CFAP44: variants seen among roughly 807,000 people sequenced by gnomAD.
CFAP44 encodes the protein cilia and flagella associated protein 44.
A neutral mutation model predicts 216.2 loss-of-function variants in CFAP44; 134 were observed. That is an observed-to-expected ratio of 0.62 (90% CI 0.54 to 0.72). CFAP44 has a LOEUF of 0.72. Among genes scored for constraint, CFAP44 ranks in the 30% least tolerant of loss-of-function variants. The pLI is 0.00. For missense variants in CFAP44, 2,035 were observed against 2,182.1 expected (o/e 0.93, Z 1.34); for synonymous variants, 700 against 727.6 (o/e 0.96, Z 0.61).
In CFAP44 at chr3:113,330,606, A is replaced by G; in HGVS notation, c.3678T>C (p.Ala1226=). The part of the protein sequence containing the change: ...CILSLRDLKV[A]VVEEIQCLVQ... ...CCAGGCACTGTATTTCCTCAACAAC[A>G]GCCACTTTAAGGTCTCTAAGAGAGA... The change falls in exon 26 of 35, where the codon GCT becomes GCC. Residue 1226 remains alanine (A), a synonymous_variant. Coordinates refer to ENST00000393845, the MANE Select transcript of CFAP44 (RefSeq NM_001164496.2). 1 of 1,537,300 alleles carries G rather than the reference A, an allele frequency of 6.5e-7. No homozygotes were observed.
chr3:113,393,943 C>G (rs1222620434), intron 15 of CFAP44, among the ~76,000 whole-genome samples: 1 of 152,162 alleles, frequency 6.6e-6, no homozygotes, highest in Admixed American at 6.5e-5. Flanking sequence ...CCATGCTTCT[C>G]GTATAGCCTG....
Position 113,335,644 on chromosome 3 carries a change from T to G in CFAP44, c.3438-2061A>C, listed in dbSNP as rs17321915. ...TTCCCATCAACTGGAGAGACCTTGT[T>G]GAGTACAGAGGACATTCAAGAATAA... On this transcript the variant is annotated intron_variant, in intron 24 of 34. Coordinates refer to ENST00000393845, the MANE Select transcript of CFAP44 (RefSeq NM_001164496.2). 3.3e-3 allele frequency among the ~76,000 whole-genome samples: 506 copies of G among 152,290 alleles called. 2 individuals carry two copies. The highest frequency in any genetic ancestry group is 6.8e-3 in the Middle Eastern group (2 of 294).
chr3:113,369,175 G>A (rs935804341), intron 18 of CFAP44, among the ~76,000 whole-genome samples: 2 of 152,008 alleles, frequency 1.3e-5, no homozygotes, highest in African/African-American at 4.8e-5. Flanking sequence ...TTAGATCAAC[G>A]AGACAGAAGG....
intron 16 of CFAP44, 145 bp from the exon 17 acceptor site, chr3:113,379,696 T>C (rs558828365): frequency 1.7e-4 from 104 of 615,388 alleles, no homozygotes; most frequent in African/African-American, 1.5e-3. Flanking sequence ...TGCGAGAATA[T>C]ATTTTTATCA....
At chr3:113,344,270 C>A (rs1362255418) in intron 23 of CFAP44, among the ~76,000 whole-genome samples, 2 of 151,972 alleles carry the variant, frequency 1.3e-5, no homozygotes, top group Non-Finnish European at 2.9e-5. Context: ...GGTTTTCTTA[C>A]AAACTACATT....
intron 7 of CFAP44, 127 bp from the exon 8 acceptor site, chr3:113,407,168 T>G: frequency 1.4e-6 from 1 of 739,400 alleles, no homozygotes; most frequent in Admixed American, 2.5e-5. Flanking sequence ...ATTTATCTGA[T>G]TAAGATTTAT....
At position 113,399,908 on chromosome 3, in the gene CFAP44, T is replaced by C. The variant is rs753380250; in HGVS notation, c.1567A>G (p.Met523Val). Residue 523 changes from methionine to valine, a missense_variant and splice_region_variant, in exon 13 of 35, where the codon ATG becomes GTG. Around this residue, in one of 3 missense-constraint regions of CFAP44, gnomAD observed 1,883 missense variants for 2,023.7 expected, o/e 0.93. Coordinates refer to ENST00000393845, the MANE Select transcript of CFAP44 (RefSeq NM_001164496.2). ...GTTCATTATAACAACAAACTTACCA[T>C]TCGGGGTACCCAAACAAGGGCAGTA... ...GGTALVWVPRMVNFTGAQIIV... is the reference protein window; with the variant it reads ...GGTALVWVPRVVNFTGAQIIV... The C allele has an allele frequency of 1.3e-6, 2 of 1,577,236 alleles. No homozygotes were observed. Among genetic ancestry groups the C allele is most frequent in the Non-Finnish European group, 1.7e-6 (2 of 1,165,748 alleles).
intron 22 of CFAP44, among the ~76,000 whole-genome samples, chr3:113,354,463 G>C (rs892592863): frequency 3.9e-5 from 6 of 152,210 alleles, no homozygotes; most frequent in Non-Finnish European, 4.4e-5. Context: ...TGGTAGGAGT[G>C]AGACCAGCCT....
chr3:113,300,086 A>G (rs1211575857), intron 32 of CFAP44, among the ~76,000 whole-genome samples: 2 of 152,210 alleles, frequency 1.3e-5, no homozygotes, highest in Non-Finnish European at 2.9e-5. Flanking sequence ...AAGTCATTAC[A>G]TTAAGTGAAA....
chr3:113,332,879 A>G (rs1364901535), intron 25 of CFAP44, among the ~76,000 whole-genome samples: 1 of 152,214 alleles, frequency 6.6e-6, no homozygotes, highest in Non-Finnish European at 1.5e-5. Context: ...TCCAATGAGG[A>G]TTTGTTTGAA....
chr3:113,415,754 T>G (rs1376368378), intron 6 of CFAP44, among the ~76,000 whole-genome samples: 2 of 152,168 alleles, frequency 1.3e-5, no homozygotes, highest in Non-Finnish European at 2.9e-5. Flanking sequence ...TCTTATGCAT[T>G]TGCTGAGGAG....
intron 5 of CFAP44, among the ~76,000 whole-genome samples, chr3:113,418,623 C>T (rs1007546872): frequency 6.6e-6 from 1 of 152,162 alleles, no homozygotes; most frequent in Non-Finnish European, 1.5e-5. Context: ...AGCTCCAGCA[C>T]ACATGAAGAA....
At chr3:113,439,440 G>A (rs542639558) in intron 1 of CFAP44, among the ~76,000 whole-genome samples, 1 of 152,116 alleles carries the variant, frequency 6.6e-6, no homozygotes, top group Admixed American at 6.5e-5. Flanking sequence ...TCCAACCTCA[G>A]ACTAGCATCA....
In CFAP44 at chr3:113,306,348, A is replaced by C. The variant is rs752517603; in HGVS notation, c.4628-17T>G. The C allele has an allele frequency of 3.1e-5, 48 of 1,531,784 alleles. No individual in the cohort carries two copies. In the South Asian group the frequency reaches 5.4e-4, roughly 17 times the overall value. The allele number at this position is 1,531,784 out of a possible 1,614,324, so 94.9% of individuals were successfully genotyped here. On this transcript the variant is annotated splice_polypyrimidine_tract_variant and intron_variant, in intron 29 of 34. Transcript: ENST00000393845. ...CATCACAATCTGCCAAGAGAATTAAAATAAAAACCAGCCTCATTTGTTATG... is the reference window on the plus strand; with the variant it reads ...CATCACAATCTGCCAAGAGAATTAACATAAAAACCAGCCTCATTTGTTATG...
At chr3:113,433,726 G>T in intron 1 of CFAP44, 57 bp from the exon 2 acceptor site, 1 of 1,289,056 alleles carries the variant, frequency 7.8e-7, no homozygotes, top group South Asian at 1.2e-5. Context: ...GAAACTAACA[G>T]ATTTCCCCCT....
chr3:113,326,421 C>A, intron 28 of CFAP44, 24 bp downstream of exon 28: 2 of 1,471,110 alleles, frequency 1.4e-6, no homozygotes, highest in South Asian at 2.9e-5. Context: ...AAAATAAGAT[C>A]ATATGCAAGA....
At chr3:113,401,404 T>C in intron 10 of CFAP44, 117 bp from the exon 11 acceptor site, 1 of 1,184,536 alleles carries the variant, frequency 8.4e-7, no homozygotes, top group Non-Finnish European at 1.2e-6. Context: ...AGCTCACATA[T>C]ATTTTAAAGT....
At chr3:113,368,265 A>G (rs1348651741) in intron 18 of CFAP44, among the ~76,000 whole-genome samples, 1 of 152,188 alleles carries the variant, frequency 6.6e-6, no homozygotes, top group Non-Finnish European at 1.5e-5. Context: ...CCTTGAAAAG[A>G]GCAACCCCAA....
In CFAP44 at chr3:113,286,943, G is replaced by C. The variant is rs1949754232; in HGVS notation, c.*4614C>G. ...GAAGAAAAAAGAGACAGAGAAAATT[G>C]GTATTTATTTTTCTATTATAGCCAT... On this transcript the variant is annotated 3_prime_UTR_variant, in exon 35 of 35. Transcript: ENST00000393845. 1.5e-6 allele frequency: 2 copies of C among 1,307,624 alleles called. No homozygotes were observed. The highest frequency in any genetic ancestry group is 2.1e-6 in the Non-Finnish European group (2 of 963,286). 81.0% of individuals were successfully genotyped at this position (1,307,624 alleles called of 1,614,324 possible).
Sources: gnomAD v4.1 joint callset for allele counts (sites outside exome capture counted in the v4.1 genomes callset) on GRCh38, gnomAD v4.1.1 for gene constraint, gnomAD v4.1.1 regional missense constraint, MANE v1.5 for transcripts, NCBI Gene and HGNC (gene_info 2026-07-23, HGNC 2026-07-21) for gene names.